Variants in HS2ST1 observed in about 807,000 individuals in gnomAD.
HS2ST1 encodes the protein 2-O-sulfotransferase.
HS2ST1 carries 18 observed loss-of-function variants against 42.9 expected under a neutral mutation model. That is an observed-to-expected ratio of 0.42 (90% confidence interval 0.29 to 0.62). HS2ST1 has a LOEUF of 0.62. Among genes scored for constraint, HS2ST1 ranks in the 20% least tolerant of loss-of-function variants. HS2ST1 has a pLI of 0.21. For synonymous variants in HS2ST1, 146 were observed against 152.9 expected, an observed-to-expected ratio of 0.95 and a Z score of 0.33; for missense variants, 334 against 433.8, an observed-to-expected ratio of 0.77 and a Z score of 2.04.
chr1:87,012,052 A>G (rs1649611219), intron 1 of HS2ST1, among the ~76,000 whole-genome samples: 1 of 152,228 alleles, frequency 6.6e-6, no homozygotes, highest in South Asian at 2.1e-4. Flanking sequence ...CCCTTTCCAC[A>G]ATATCATCTT....
intron 1 of HS2ST1, among the ~76,000 whole-genome samples, chr1:86,924,517 C>T (rs975441832): frequency 2.6e-5 from 4 of 152,196 alleles, no homozygotes; most frequent in African/African-American, 9.6e-5. Context: ...CAAACTTCTG[C>T]TTGGGTATCC....
chr1:87,001,251 A>G (rs933673537), intron 1 of HS2ST1, among the ~76,000 whole-genome samples: 2 of 151,956 alleles, frequency 1.3e-5, no homozygotes, highest in Non-Finnish European at 2.9e-5. Context: ...TCCATTGCTT[A>G]TCTTTTTGAA....
At chr1:86,989,385 T>A (rs928908687) in intron 1 of HS2ST1, among the ~76,000 whole-genome samples, 1 of 152,236 alleles carries the variant, frequency 6.6e-6, no homozygotes, top group African/African-American at 2.4e-5. Flanking sequence ...ATTTTCACAT[T>A]CAGGACAGTA....
At chr1:87,054,198 T>C (rs1392036817) in intron 1 of HS2ST1, among the ~76,000 whole-genome samples, 1 of 152,206 alleles carries the variant, frequency 6.6e-6, no homozygotes, top group Non-Finnish European at 1.5e-5. Flanking sequence ...ATAGGTCAAA[T>C]AGCCTATTTT....
intron 1 of HS2ST1, among the ~76,000 whole-genome samples, chr1:87,023,645 C>G (rs140165002): frequency 2.0e-5 from 3 of 152,150 alleles, no homozygotes; most frequent in African/African-American, 7.2e-5. Context: ...ATCACTCTGT[C>G]TTCAACAGGT....
chr1:86,937,816 A>T (rs1660687754), intron 1 of HS2ST1, among the ~76,000 whole-genome samples: 1 of 146,230 alleles, frequency 6.8e-6, no homozygotes, highest in African/African-American at 2.5e-5. Context: ...AGGTACCTTT[A>T]TCTTCTGCAT....
chr1:87,038,846 G>T (rs1467991799), intron 1 of HS2ST1, among the ~76,000 whole-genome samples: 1 of 151,908 alleles, frequency 6.6e-6, no homozygotes, highest in Non-Finnish European at 1.5e-5. Flanking sequence ...AAAAAAAAAT[G>T]GATTCTGACA....
At chr1:87,039,416 C>T (rs1315235130) in intron 1 of HS2ST1, among the ~76,000 whole-genome samples, 5 of 152,214 alleles carry the variant, frequency 3.3e-5, no homozygotes, top group Non-Finnish European at 7.3e-5. Flanking sequence ...TTCTTCCTCT[C>T]AGTTTCATTG....
At chr1:87,046,708 A>G (rs556159736) in intron 1 of HS2ST1, 52 of 1,171,914 alleles carry the variant, frequency 4.4e-5, no homozygotes, top group Middle Eastern at 4.5e-4. Context: ...AAAGCTGTGC[A>G]TGTCGATTTT....
chr1:87,034,907 A>G (rs534847400), intron 1 of HS2ST1, among the ~76,000 whole-genome samples: 83 of 152,304 alleles, frequency 5.4e-4, no homozygotes, highest in African/African-American at 1.8e-3. Context: ...AGATGGGGCG[A>G]TTATCCTGGA....
chr1:87,023,042 T>TA (rs1463058949), intron 1 of HS2ST1, among the ~76,000 whole-genome samples: 1 of 152,198 alleles, frequency 6.6e-6, no homozygotes, highest in Non-Finnish European at 1.5e-5. Context: ...TTCTTGAGGA[T>TA]AAAATCAAGC....
At chr1:87,095,026 T>G (rs979444290) in intron 4 of HS2ST1, among the ~76,000 whole-genome samples, 1 of 152,150 alleles carries the variant, frequency 6.6e-6, no homozygotes, top group African/African-American at 2.4e-5. Context: ...TGATTAGACA[T>G]TTTTAGTAAT....
At chr1:87,097,555 A>G (rs1310607653) in intron 4 of HS2ST1, among the ~76,000 whole-genome samples, 2 of 152,038 alleles carry the variant, frequency 1.3e-5, no homozygotes, top group Non-Finnish European at 2.9e-5. Context: ...TACCACGCCC[A>G]GCTAATTTTT....
At chr1:87,013,836 C>A (rs1044344705) in intron 1 of HS2ST1, among the ~76,000 whole-genome samples, 3 of 152,102 alleles carry the variant, frequency 2.0e-5, no homozygotes, top group African/African-American at 7.2e-5. Context: ...CACCAGATAC[C>A]CTAAGTTATT....
chr1:86,973,367 C>T (rs1467465254), intron 1 of HS2ST1, among the ~76,000 whole-genome samples: 3 of 151,694 alleles, frequency 2.0e-5, no homozygotes, highest in South Asian at 4.2e-4. Flanking sequence ...AAATGAAAAA[C>T]GCTAGGGATG....
intron 3 of HS2ST1, among the ~76,000 whole-genome samples, chr1:87,091,682 CA>C (rs5775934): frequency 0.81 from 122,870 of 151,888 alleles, 49,943 homozygotes; most frequent in East Asian, 0.95. Context: ...GCTTACAAAA[CA>C]AATCAAAATG....
intron 2 of HS2ST1, among the ~76,000 whole-genome samples, chr1:87,081,153 C>G (rs1323304161): frequency 3.3e-5 from 5 of 152,054 alleles, no homozygotes; most frequent in African/African-American, 1.2e-4. Flanking sequence ...GACAGAACAC[C>G]CAGACAGAAA....
intron 1 of HS2ST1, among the ~76,000 whole-genome samples, chr1:86,940,144 G>T (rs1439646097): frequency 6.6e-6 from 1 of 152,152 alleles, no homozygotes; most frequent in Non-Finnish European, 1.5e-5. Context: ...TGGGAGGACT[G>T]TGTGAGGTCA....
intron 1 of HS2ST1, among the ~76,000 whole-genome samples, chr1:86,976,090 A>G (rs1648392920): frequency 6.6e-6 from 1 of 152,222 alleles, no homozygotes; most frequent in Non-Finnish European, 1.5e-5. Flanking sequence ...GCTGCAATTT[A>G]CGTATCTATA....
Sources: gnomAD v4.1 joint callset for allele counts (sites outside exome capture counted in the v4.1 genomes callset) on GRCh38, gnomAD v4.1.1 for gene constraint, MANE v1.5 for transcripts, NCBI Gene and HGNC (gene_info 2026-07-23, HGNC 2026-07-21) for gene names.